The following KEL variants were observed in gnomAD, a reference collection of about 807,000 sequenced individuals.
KEL encodes the protein Kell metallo-endopeptidase (Kell blood group), also known as kell blood group glycoprotein.
Under a neutral mutation model 99.5 loss-of-function variants are expected in KEL, and 96 were observed. The observed-to-expected ratio is 0.97, with a 90% confidence interval of 0.82 to 1.14. KEL has a LOEUF of 1.14. KEL is among the 50% of genes most tolerant of loss of function. The pLI, the probability that KEL is intolerant of heterozygous loss-of-function variation, is 0.00. For synonymous variants in KEL, 355 were observed against 354.8 expected, an observed-to-expected ratio of 1.00 and a Z score of -0.01; for missense variants, 926 against 924.2, an observed-to-expected ratio of 1.00 and a Z score of -0.03.
chr7:142,959,629 G>T (rs1353466440), intron 4 of KEL, among the ~76,000 whole-genome samples: 1 of 152,078 alleles, frequency 6.6e-6, no homozygotes, highest in African/African-American at 2.4e-5. Flanking sequence ...AAGAAACAGG[G>T]GAAGACTCTT....
At chr7:142,950,794 G>A (rs953651169) in intron 10 of KEL, among the ~76,000 whole-genome samples, 2 of 152,250 alleles carry the variant, frequency 1.3e-5, no homozygotes, top group Non-Finnish European at 1.5e-5. Flanking sequence ...TTTGTTTGTA[G>A]CACCTACTTG....
intron 1 of KEL, 149 bp from the exon 2 acceptor site, chr7:142,962,021 G>T: frequency 6.2e-7 from 1 of 1,609,420 alleles, no homozygotes. Context: ...TCCCAGATGG[G>T]CTTCAGAACG....
At chr7:142,952,443 T>A in intron 10 of KEL, 66 bp downstream of exon 10, 1 of 1,596,964 alleles carries the variant, frequency 6.3e-7, no homozygotes, top group South Asian at 1.1e-5. Flanking sequence ...ATGCCGACAT[T>A]TACCCCTCAA....
At chr7:142,944,572 C>A (rs928201733) in intron 12 of KEL, 71 bp downstream of exon 12, 28 of 1,372,342 alleles carry the variant, frequency 2.0e-5, no homozygotes, top group African/African-American at 7.1e-5. Flanking sequence ...TGCTTCCAAT[C>A]CCCATCTCGC....
chr7:142,958,957 C>T (rs567023775), intron 4 of KEL, among the ~76,000 whole-genome samples: 1 of 152,216 alleles, frequency 6.6e-6, no homozygotes, highest in Admixed American at 6.5e-5. Context: ...ACCCTGGAAG[C>T]CACCCCCACC....
intron 18 of KEL, chr7:142,942,212 T>G: frequency 5.2e-6 from 3 of 579,470 alleles, no homozygotes; most frequent in Non-Finnish European, 3.1e-6. Flanking sequence ...TTTTCTACCT[T>G]TTGAGTTGTG....
chr7:142,942,228 G>A (rs1398448963), intron 18 of KEL: 2 of 591,278 alleles, frequency 3.4e-6, no homozygotes, highest in Non-Finnish European at 6.0e-6. Context: ...TTGTGGGGGT[G>A]CTGAACTAGG....
At chr7:142,944,977 G>T (rs1477995163) in intron 11 of KEL, 1 of 594,366 alleles carries the variant, frequency 1.7e-6, no homozygotes, top group Non-Finnish European at 3.0e-6. Context: ...CCATCAGGGA[G>T]ATATAGTTCC....
intron 11 of KEL, among the ~76,000 whole-genome samples, chr7:142,945,189 C>G (rs1243035118): frequency 6.6e-6 from 1 of 152,228 alleles, no homozygotes; most frequent in Non-Finnish European, 1.5e-5. Context: ...GCAAGTCCCC[C>G]ACAAGTCTCC....
intron 10 of KEL, among the ~76,000 whole-genome samples, chr7:142,949,652 A>G (rs931462077): frequency 6.6e-6 from 1 of 152,242 alleles, no homozygotes; most frequent in Non-Finnish European, 1.5e-5. Flanking sequence ...AATGTTTGTT[A>G]CATAAATGAA....
intron 10 of KEL, among the ~76,000 whole-genome samples, chr7:142,948,811 G>C (rs1205253207): frequency 6.6e-6 from 1 of 152,196 alleles, no homozygotes; most frequent in East Asian, 1.9e-4. Flanking sequence ...GGGCTTCAGA[G>C]AGCGCACCCA....
chr7:142,954,204 C>G lies in KEL; in HGVS notation c.904G>C (p.Val302Leu), dbSNP rs1275962273. The change falls in exon 8 of 19, where the codon GTC becomes CTC. Residue 302 changes from valine to leucine, a missense_variant. Transcript: ENST00000355265. ...RRAQGKLFQM[V>L]TIDQLKEMAP... ...GGCACCTTGAGCTGGTCGATAGTGA[C>G]CATCTGGAAGAGCTTGCCCTGTGCC... is the stretch of plus-strand genomic sequence containing the variant. The G allele has an allele frequency of 2.5e-6, 4 of 1,611,470 alleles. No individual in the cohort carries two copies. In the African/African-American group the frequency reaches 5.3e-5, roughly 22 times the overall value.
intron 10 of KEL, among the ~76,000 whole-genome samples, chr7:142,947,964 C>G (rs1176597119): frequency 6.6e-6 from 1 of 152,226 alleles, no homozygotes; most frequent in Non-Finnish European, 1.5e-5. Flanking sequence ...CCACATTCTG[C>G]TGGACAAGCT....
In KEL at chr7:142,953,793, C is replaced by T; in HGVS notation, c.1073+15G>A. 2 of 1,613,970 alleles carry T rather than the reference C, an allele frequency of 1.2e-6. No individual in the cohort carries two copies. The highest frequency in any genetic ancestry group is 1.3e-5 in the African/African-American group (1 of 75,050). On this transcript the variant is annotated intron_variant, in intron 9 of 18. Coordinates refer to ENST00000355265, the MANE Select transcript of KEL (RefSeq NM_000420.3). ...CTCCATTTCCATGATCTCCCCAATC[C>T]CACCTGCGGCGAACCTCTGCTTTAG...
At chr7:142,949,175 C>T (rs1030912725) in intron 10 of KEL, among the ~76,000 whole-genome samples, 2 of 152,196 alleles carry the variant, frequency 1.3e-5, no homozygotes, top group African/African-American at 4.8e-5. Context: ...CTACCTTCCT[C>T]ACAGGTTTGG....
chr7:142,943,153 C>G lies in KEL; in HGVS notation c.1772-109G>C. The G allele has an allele frequency of 3.9e-6, 6 of 1,553,484 alleles. No individual in the cohort carries two copies. In the South Asian group the frequency reaches 4.5e-5, roughly 12 times the overall value. ...ACTGAATCAGCTCCCAGGAGCATGG[C>G]AAAGTTCCCAGGACTGCCCCACCTC... On this transcript the variant is annotated intron_variant, in intron 16 of 18. Transcript: ENST00000355265.
chr7:142,959,168 TAC>T (rs1183545958), intron 4 of KEL, among the ~76,000 whole-genome samples: 1 of 152,226 alleles, frequency 6.6e-6, no homozygotes, highest in Non-Finnish European at 1.5e-5. Flanking sequence ...TCAAATATTT[TAC>T]AGAGTTTGAC....
intron 8 of KEL, 33 bp downstream of exon 8, chr7:142,954,151 G>T: frequency 1.3e-6 from 2 of 1,593,036 alleles, no homozygotes; most frequent in Non-Finnish European, 1.7e-6. Context: ...AGATCCCCAT[G>T]CCCACAGTCT....
At chr7:142,958,067 C>T (rs149317047) in intron 5 of KEL, 94 bp from the exon 6 acceptor site, 201 of 1,481,520 alleles carry the variant, frequency 1.4e-4, no homozygotes, top group Non-Finnish European at 1.7e-4. Context: ...ACTGCCTGAC[C>T]TCTGCCCTGC....
Sources: allele counts gnomAD v4.1 joint callset (sites outside exome capture counted in the v4.1 genomes callset), GRCh38; gene constraint gnomAD v4.1.1; transcripts MANE v1.5; gene names NCBI Gene and HGNC (gene_info 2026-07-23, HGNC 2026-07-21).